The following KRT24 variants were observed in gnomAD, a reference collection of about 807,000 sequenced individuals.
The protein encoded by KRT24 is keratin, type I cytoskeletal 24.
KRT24 carries 44 observed loss-of-function variants against 51.7 expected under a neutral mutation model. The ratio of observed to expected loss-of-function variants is 0.85; its 90% confidence interval spans 0.67 to 1.09. The LOEUF (loss-of-function observed/expected upper bound fraction) is 1.09, where lower values mean the gene tolerates loss of function less well. Ranked by LOEUF, KRT24 falls within the 50% of genes least tolerant of loss-of-function variation. The pLI, the probability that KRT24 is intolerant of heterozygous loss-of-function variation, is 0.00. For missense variants in KRT24, 633 were observed against 647.0 expected (o/e 0.98, Z 0.24); for synonymous variants, 241 against 249.5 (o/e 0.97, Z 0.32).
Position 40,702,909 on chromosome 17 carries a change from T to C in KRT24, c.615+170A>G, listed in dbSNP as rs3752027. 9.8e-5 allele frequency among the ~76,000 whole-genome samples: 15 copies of C among 152,320 alleles called. No individual in the cohort carries two copies. The East Asian group carries it at 2.3e-3, about 23-fold the overall frequency. The stretch of plus-strand genomic sequence containing the variant: ...GATGGAAACAGAAAATTAATGTGAT[T>C]GGACATCACATAAGGTACTATAATA... On this transcript the variant is annotated intron_variant, in intron 1 of 7. Coordinates refer to ENST00000264651, the MANE Select transcript of KRT24 (RefSeq NM_019016.3).
In KRT24 at chr17:40,698,622, T is replaced by C. The variant is rs2037636617; in HGVS notation, c.1390A>G (p.Arg464Gly). The C allele has an allele frequency of 1.2e-6, 2 of 1,607,652 alleles. No homozygotes were observed. The highest frequency in any genetic ancestry group is 1.7e-6 in the Non-Finnish European group (2 of 1,174,360). ...GGSSFAEFGG[R>G]NSGSVNMGSR... ...CCCATGTTTACAGATCCTGAGTTTC[T>C]ACCACCAAATTCTGCAAAACTAGAA... is the stretch of plus-strand genomic sequence containing the variant. The change falls in exon 7 of 8, where the codon AGA becomes GGA. Residue 464 changes from arginine to glycine, a missense_variant. Coordinates refer to ENST00000264651, the MANE Select transcript of KRT24 (RefSeq NM_019016.3).
chr17:40,701,531 CTTTCTTTTTTCTT>C (rs973866871), intron 2 of KRT24, among the ~76,000 whole-genome samples: 31 of 151,496 alleles, frequency 2.0e-4, no homozygotes, highest in African/African-American at 6.1e-4. Context: ...AAATTTGCCT[CTTTCTTTTTTCTT>C]TTTCTTTTTT....
Position 40,700,361 on chromosome 17 carries a change from C to G in KRT24, c.878G>C (p.Ser293Thr). The change falls in exon 4 of 8, where the codon AGC (serine) becomes ACC (threonine). Residue 293 changes from serine to threonine, a missense_variant. Physicochemically the swap from Ser to Thr is moderately conservative, Grantham distance 58 (BLOSUM62 1). Transcript: ENST00000264651. The part of the protein sequence containing the change: ...HEEEMKNMQG[S>T]SGGEVTVEMN... The stretch of plus-strand genomic sequence containing the variant: ...TTCTACGGTCACCTCCCCTCCAGAG[C>G]TTCCTTGCATATTCTTCATTTCCTA... 6.2e-7 allele frequency: 1 copy of G among 1,613,474 alleles called. No homozygotes were observed. The highest frequency in any genetic ancestry group is 2.2e-5 in the East Asian group (1 of 44,856).
intron 1 of KRT24, 98 bp downstream of exon 1, chr17:40,702,981 G>A: frequency 7.7e-7 from 1 of 1,305,558 alleles, no homozygotes. Context: ...AAGCAAATAT[G>A]TTTTCAAATA....
In KRT24 at chr17:40,701,286, C is replaced by T. The variant is rs748093777; in HGVS notation, c.709G>A (p.Glu237Lys). 3.7e-6 allele frequency: 6 copies of T among 1,612,798 alleles called. No individual in the cohort carries two copies. The highest frequency in any genetic ancestry group is 1.3e-5 in the African/African-American group (1 of 74,868). ...ADDFRLKYENELCLRQSVEAD... is the reference protein window; with the variant it reads ...ADDFRLKYENKLCLRQSVEAD... ...TCCACGCTCTGCCGGAGACACAGCTCGTTCTCATACCTGGAAGGGGCAGCA... is the reference window on the plus strand; with the variant it reads ...TCCACGCTCTGCCGGAGACACAGCTTGTTCTCATACCTGGAAGGGGCAGCA... The change falls in exon 3 of 8, where the codon GAG (glutamate) becomes AAG (lysine). Residue 237 changes from glutamate to lysine, a missense_variant. Glu to Lys is a moderately conservative substitution (Grantham distance 56). Transcript: ENST00000264651.
intron 2 of KRT24, 40 bp downstream of exon 2, chr17:40,701,811 T>A (rs1001738220): frequency 3.0e-6 from 2 of 656,524 alleles, no homozygotes; most frequent in Non-Finnish European, 4.6e-6. Context: ...AATTTATTTT[T>A]CTCCCGTAAC....
At chr17:40,699,801 G>C in intron 5 of KRT24, 140 bp from the exon 6 acceptor site, 1 of 1,029,898 alleles carries the variant, frequency 9.7e-7, no homozygotes, top group Non-Finnish European at 1.4e-6. Flanking sequence ...TTTAATTTTG[G>C]TTGGCACTTC....
intron 6 of KRT24, 61 bp from the exon 7 acceptor site, chr17:40,698,711 C>T (rs2037637790): frequency 1.2e-6 from 1 of 817,290 alleles, no homozygotes; most frequent in Non-Finnish European, 2.1e-6. Context: ...AAAGCCTCCG[C>T]CCCGGGGATT....
chr17:40,701,247 C>T lies in KRT24; in HGVS notation c.748G>A (p.Gly250Ser). The T allele has an allele frequency of 6.2e-7, 1 of 1,613,990 alleles. No individual in the cohort carries two copies. Among genetic ancestry groups the T allele is most frequent in the South Asian group, 1.1e-5 (1 of 91,032 alleles). The change falls in exon 3 of 8, where the codon GGC (glycine) becomes AGC (serine). Residue 250 changes from glycine (G) to serine (S), a missense_variant. By Grantham distance (56) the Gly-to-Ser change is moderately conservative. Transcript: ENST00000264651. Reference sequence around the variant, plus strand: ...AGGTCATCCAGGACTTTCCGCAGGCCATTGATGTCAGCCTCCACGCTCTGC... The same window carrying T: ...AGGTCATCCAGGACTTTCCGCAGGCTATTGATGTCAGCCTCCACGCTCTGC... ...LRQSVEADIN[G>S]LRKVLDDLTM...
Position 40,699,757 on chromosome 17 carries a change from C to T in KRT24, c.1144-96G>A, listed in dbSNP as rs2037653068. On this transcript the variant is annotated intron_variant, in intron 5 of 7. Coordinates refer to ENST00000264651, the MANE Select transcript of KRT24 (RefSeq NM_019016.3). Reference sequence around the variant, plus strand: ...TTATGTGGCACTAGAAGTGCACCTTCGCCATATAACCTATATTGTTATATC... The same window carrying T: ...TTATGTGGCACTAGAAGTGCACCTTTGCCATATAACCTATATTGTTATATC... 15 of 1,098,424 alleles carry T rather than the reference C, an allele frequency of 1.4e-5. No homozygotes were observed. The South Asian group carries it at 1.4e-4, about 10-fold the overall frequency. The allele number at this position is 1,098,424 out of a possible 1,614,324, so 68.0% of individuals were successfully genotyped here.
chr17:40,699,096 C>T (rs531372776), intron 6 of KRT24, among the ~76,000 whole-genome samples: 8 of 152,032 alleles, frequency 5.3e-5, no homozygotes, highest in East Asian at 1.9e-4. Context: ...AGGCTGGTCT[C>T]GAACTCCTGA....
intron 1 of KRT24, 102 bp downstream of exon 1, chr17:40,702,977 A>G: frequency 7.9e-7 from 1 of 1,272,746 alleles, no homozygotes; most frequent in Non-Finnish European, 1.1e-6. Flanking sequence ...TAACAAGCAA[A>G]TATGTTTTCA....
At chr17:40,701,068 T>C (rs563532858) in intron 3 of KRT24, 72 bp downstream of exon 3, 1 of 1,500,398 alleles carries the variant, frequency 6.7e-7, no homozygotes, top group African/African-American at 1.4e-5. Context: ...CAGCCAATTT[T>C]ATTTGTATAG....
intron 4 of KRT24, 41 bp from the exon 5 acceptor site, chr17:40,700,164 G>T (rs2037658902): frequency 6.2e-7 from 1 of 1,613,888 alleles, no homozygotes; most frequent in Non-Finnish European, 8.5e-7. Flanking sequence ...GCTGATGAAA[G>T]GAGCAGAAGC....
intron 5 of KRT24, 25 bp from the exon 6 acceptor site, chr17:40,699,686 T>C: frequency 6.3e-7 from 1 of 1,587,826 alleles, no homozygotes; most frequent in South Asian, 1.1e-5. Context: ...AAATAAAAAA[T>C]TCATGATGAA....
At position 40,698,567 on chromosome 17, in the gene KRT24, C is replaced by T. The variant is rs2037635441; in HGVS notation, c.1445G>A (p.Arg482Lys). 2 of 1,611,010 alleles carry T rather than the reference C, an allele frequency of 1.2e-6. No individual in the cohort carries two copies. Among genetic ancestry groups the T allele is most frequent in the South Asian group, 2.2e-5 (2 of 90,804 alleles). Residue 482 changes from arginine to lysine, a missense_variant, in exon 7 of 8, where the codon AGA becomes AAA. By Grantham distance (26) the Arg-to-Lys change is conservative. Transcript: ENST00000264651. ...GSRDLVSGDS[R>K]SGSCSGQGRD... Reference sequence around the variant, plus strand: ...TCCTTGACCAGAACAGCTTCCAGATCTTGAGTCACCAGATACCAGATCCCT... The same window carrying T: ...TCCTTGACCAGAACAGCTTCCAGATTTTGAGTCACCAGATACCAGATCCCT...
At chr17:40,702,462 A>T (rs1483451113) in intron 1 of KRT24, among the ~76,000 whole-genome samples, 1 of 152,220 alleles carries the variant, frequency 6.6e-6, no homozygotes. Flanking sequence ...CTGCAAAAAG[A>T]TAACAGTCTG....
Position 40,698,135 on chromosome 17 carries a change from T to C in KRT24, c.*102A>G. On this transcript the variant is annotated 3_prime_UTR_variant, in exon 8 of 8. Transcript: ENST00000264651. ...TCCATTTCTGGACTGAAGCTTTTCC[T>C]GAAATTATCCAGAAAGATGCCTAGA... 1.3e-6 allele frequency: 1 copy of C among 746,764 alleles called. No homozygotes were observed. The highest frequency in any genetic ancestry group is 2.4e-5 in the Admixed American group (1 of 41,930). 46.3% of individuals were successfully genotyped at this position (746,764 alleles called of 1,614,324 possible).
In KRT24 at chr17:40,703,391, C is replaced by T. The variant is rs746740234; in HGVS notation, c.303G>A (p.Arg101=). The change falls in exon 1 of 8, where the codon AGG becomes AGA. Residue 101 remains arginine, a synonymous_variant. Transcript: ENST00000264651. ...SSFGGVSGFG[R]GSGFCGSSRF... is the part of the protein sequence containing the mutation. ...TAGAACTCCCACAGAATCCAGAACCCCTGCCAAATCCAGAGACCCCGCCAA... is the reference window on the plus strand; with the variant it reads ...TAGAACTCCCACAGAATCCAGAACCTCTGCCAAATCCAGAGACCCCGCCAA... 3.1e-6 allele frequency: 5 copies of T among 1,612,220 alleles called. No homozygotes were observed. The highest frequency in any genetic ancestry group is 4.2e-6 in the Non-Finnish European group (5 of 1,178,384).
Sources: gnomAD v4.1 joint callset for allele counts (sites outside exome capture counted in the v4.1 genomes callset) on GRCh38, gnomAD v4.1.1 for gene constraint, MANE v1.5 for transcripts, NCBI Gene and HGNC (gene_info 2026-07-23, HGNC 2026-07-21) for gene names.